Variants in THSD7A observed in about 807,000 individuals in gnomAD.
The protein encoded by THSD7A is thrombospondin type 1 domain containing 7A.
In THSD7A, 96 loss-of-function variants were observed where a neutral mutation model predicts 231.3. The observed-to-expected ratio is 0.41, with a 90% CI of 0.35 to 0.49. The LOEUF (loss-of-function observed/expected upper bound fraction) is 0.49, where lower values mean the gene tolerates loss of function less well. Among genes scored for constraint, THSD7A ranks in the 20% least tolerant of loss-of-function variants. THSD7A has a pLI of 0.05. For synonymous variants in THSD7A, 940 were observed against 743.3 expected (o/e 1.26, Z -4.30); for missense variants, 2,290 against 2,070.2 (o/e 1.11, Z -2.06).
In THSD7A at chr7:11,460,717, C is replaced by T. The variant is rs1356702884; in HGVS notation, c.2550G>A (p.Val850=). ...CCTGTGCTCCAGGGCTGTCTTGTTG[C>T]ACGCTCCAAGGGACTAATTGGCATC... ...WRRCQLVPWS[V]QQDSPGAQEG... is the part of the protein sequence containing the mutation. The change falls in exon 11 of 28, where the codon GTG becomes GTA. Residue 850 remains valine (V), a synonymous_variant. Transcript: ENST00000423059. The T allele has an allele frequency of 5.6e-6, 9 of 1,612,510 alleles. No homozygotes were observed. Among genetic ancestry groups the T allele is most frequent in the Non-Finnish European group, 7.6e-6 (9 of 1,179,380 alleles).
At chr7:11,396,432 T>C (rs111251913) in intron 23 of THSD7A, among the ~76,000 whole-genome samples, 9,561 of 152,068 alleles carry the variant, frequency 0.063, 728 homozygotes, top group African/African-American at 0.18. Flanking sequence ...ATAGATTCAA[T>C]AAAAAATGAT....
At chr7:11,418,623 C>G (rs1784038911) in intron 16 of THSD7A, among the ~76,000 whole-genome samples, 1 of 152,002 alleles carries the variant, frequency 6.6e-6, no homozygotes, top group African/African-American at 2.4e-5. Flanking sequence ...ACCTGGAATC[C>G]CAACTTTTAT....
chr7:11,698,152 A>C (rs1196834413), intron 1 of THSD7A, among the ~76,000 whole-genome samples: 2 of 151,452 alleles, frequency 1.3e-5, no homozygotes, highest in Non-Finnish European at 3.0e-5. Flanking sequence ...GTATGTATCT[A>C]AATATGATAC....
chr7:11,684,374 T>C (rs1779954405), intron 1 of THSD7A, among the ~76,000 whole-genome samples: 2 of 134,446 alleles, frequency 1.5e-5, no homozygotes, highest in Non-Finnish European at 3.1e-5. Flanking sequence ...GTACTAGAAA[T>C]CCTAGCCAGA....
At chr7:11,772,513 A>G (rs1043558893) in intron 1 of THSD7A, among the ~76,000 whole-genome samples, 8 of 152,354 alleles carry the variant, frequency 5.3e-5, no homozygotes, top group African/African-American at 1.7e-4. Flanking sequence ...AAAATGTGGT[A>G]CATATACACC....
At chr7:11,818,946 G>A (rs1784790149) in intron 1 of THSD7A, among the ~76,000 whole-genome samples, 1 of 152,010 alleles carries the variant, frequency 6.6e-6, no homozygotes. Flanking sequence ...TGGAATATGT[G>A]CAGCACACTC....
rs564995857 is a variant in THSD7A at position 11,785,209 on chromosome 7, G to T, written c.190+46548C>A. On this transcript the variant is annotated intron_variant, in intron 1 of 27. Coordinates refer to ENST00000423059, the MANE Select transcript of THSD7A (RefSeq NM_015204.3). ...CTGACTTTCAGGTCTTTTTAATTTA[G>T]TTATTTAATTAATTAATTAACTCAT... 2.0e-5 allele frequency among the ~76,000 whole-genome samples: 3 copies of T among 152,080 alleles called. No homozygotes were observed. The East Asian group carries it at 5.8e-4, about 29-fold the overall frequency.
intron 1 of THSD7A, among the ~76,000 whole-genome samples, chr7:11,681,650 G>C (rs1224238917): frequency 6.6e-6 from 1 of 151,824 alleles, no homozygotes; most frequent in Non-Finnish European, 1.5e-5. Flanking sequence ...ACATTCCCAA[G>C]GGAGAAGAAG....
At chr7:11,730,734 C>T (rs1386594783) in intron 1 of THSD7A, among the ~76,000 whole-genome samples, 1 of 151,600 alleles carries the variant, frequency 6.6e-6, no homozygotes, top group Non-Finnish European at 1.5e-5. Context: ...CGGCAGCCTT[C>T]TAGGAGTCAC....
intron 4 of THSD7A, among the ~76,000 whole-genome samples, chr7:11,585,460 C>T (rs932381617): frequency 2.6e-5 from 4 of 152,050 alleles, no homozygotes; most frequent in African/African-American, 7.2e-5. Flanking sequence ...GACTAATGAT[C>T]GTTAAAAGAG....
At position 11,681,652 on chromosome 7, in the gene THSD7A, GAGA is replaced by G. The variant is rs375633308; in HGVS notation, c.191-44694_191-44692del. Among the ~76,000 whole-genome samples the G allele has an allele frequency of 5.5e-3, 837 of 152,068 alleles. 13 individuals carry two copies. The highest frequency in any genetic ancestry group is 0.02 in the Middle Eastern group (6 of 294). ...CTACGACTCACTGACATTCCCAAGG[GAGA>G]AGAAGAGAAAGTATACAGTTTAGGA... On this transcript the variant is annotated intron_variant, in intron 1 of 27. Coordinates refer to ENST00000423059, the MANE Select transcript of THSD7A (RefSeq NM_015204.3).
chr7:11,379,028 G>T (rs1335949209), intron 26 of THSD7A, 42 bp downstream of exon 26: 4 of 1,596,502 alleles, frequency 2.5e-6, no homozygotes, highest in South Asian at 2.2e-5. Context: ...TTGCCTAAAA[G>T]AACTAAAGGT....
intron 1 of THSD7A, among the ~76,000 whole-genome samples, chr7:11,720,810 C>T (rs1781324305): frequency 6.6e-6 from 1 of 151,646 alleles, no homozygotes; most frequent in African/African-American, 2.4e-5. Flanking sequence ...CTCCTCTAAA[C>T]ATCATTTTCC....
chr7:11,779,384 C>G (rs1783549986), intron 1 of THSD7A, among the ~76,000 whole-genome samples: 1 of 152,122 alleles, frequency 6.6e-6, no homozygotes, highest in Non-Finnish European at 1.5e-5. Flanking sequence ...AATTAGGTGC[C>G]CTTTCCCTTA....
At chr7:11,490,812 G>C in intron 6 of THSD7A, among the ~76,000 whole-genome samples, 1 of 151,906 alleles carries the variant, frequency 6.6e-6, no homozygotes, top group East Asian at 1.9e-4. Context: ...GTGCCCTTGA[G>C]CAGATAATTT....
At chr7:11,731,383 C>G (rs1781726672) in intron 1 of THSD7A, among the ~76,000 whole-genome samples, 1 of 151,520 alleles carries the variant, frequency 6.6e-6, no homozygotes, top group Admixed American at 6.6e-5. Flanking sequence ...TTAATAAGGT[C>G]TTATTAACTT....
chr7:11,649,292 G>T (rs1331282344), intron 1 of THSD7A, among the ~76,000 whole-genome samples: 1 of 151,952 alleles, frequency 6.6e-6, no homozygotes, highest in Non-Finnish European at 1.5e-5. Context: ...AGGACTGCAG[G>T]TCTGGCCAAT....
At chr7:11,821,002 C>T (rs1784857894) in intron 1 of THSD7A, 4 of 1,035,374 alleles carry the variant, frequency 3.9e-6, no homozygotes, top group East Asian at 4.8e-5. Context: ...CTGTATTTTC[C>T]CTCAGCCTTG....
chr7:11,590,679 A>T lies in THSD7A; in HGVS notation c.1272-38T>A. On this transcript the variant is annotated intron_variant, in intron 3 of 27. Coordinates refer to ENST00000423059, the MANE Select transcript of THSD7A (RefSeq NM_015204.3). The surrounding 1 kb of genome is among the most constrained non-coding windows in gnomAD (Gnocchi z 4.4). ...AACACCACCAGCAGCAACCATAATT[A>T]TTGAATGACGTGTTTCTCTACTCCT... 1 of 1,558,382 alleles carries T rather than the reference A, an allele frequency of 6.4e-7. No individual in the cohort carries two copies. The highest frequency in any genetic ancestry group is 8.7e-7 in the Non-Finnish European group (1 of 1,153,216).
Sources: allele counts gnomAD v4.1 joint callset (sites outside exome capture counted in the v4.1 genomes callset), GRCh38; gene constraint gnomAD v4.1.1; non-coding constraint Gnocchi (gnomAD v3.1); transcripts MANE v1.5; gene names NCBI Gene and HGNC (gene_info 2026-07-23, HGNC 2026-07-21).